The following GPR171 variants were observed in gnomAD, a reference collection of about 807,000 sequenced individuals.
GPR171 encodes the protein G protein-coupled receptor 171.
GPR171 carries 14 observed loss-of-function variants against 16.7 expected under a neutral mutation model. The ratio of observed to expected loss-of-function variants is 0.84; its 90% CI spans 0.55 to 1.31. GPR171 has a LOEUF of 1.31. GPR171 is among the 40% of genes most tolerant of loss of function. The pLI, the probability that GPR171 is intolerant of heterozygous loss-of-function variation, is 0.00. For synonymous variants in GPR171, 134 were observed against 135.6 expected (o/e 0.99, Z 0.08); for missense variants, 337 against 378.9 (o/e 0.89, Z 0.92).
Position 151,199,436 on chromosome 3 carries a change from G to A in GPR171, c.-50C>T. The A allele has an allele frequency of 6.7e-7, 1 of 1,503,030 alleles. No homozygotes were observed. Among genetic ancestry groups the A allele is most frequent in the South Asian group, 1.3e-5 (1 of 76,736 alleles). The allele number at this position is 1,503,030 out of a possible 1,614,324, so 93.1% of individuals were successfully genotyped here. A position where few individuals can be genotyped will look rare whatever the true frequency, so the allele number is the denominator to read the frequency against. On this transcript the variant is annotated 5_prime_UTR_variant, in exon 3 of 3. Coordinates refer to ENST00000309180, the MANE Select transcript of GPR171 (RefSeq NM_013308.4). ...CTTATTGAAAAGAAAAAATTTCTAA[G>A]ACTCTGTAAAAGAAACAAGGAAAGG...
chr3:151,201,876 C>T (rs578095077), intron 1 of GPR171, among the ~76,000 whole-genome samples: 5 of 152,170 alleles, frequency 3.3e-5, no homozygotes, highest in Non-Finnish European at 7.3e-5. Context: ...TCAAATATTA[C>T]ATAATAATGG....
intron 1 of GPR171, among the ~76,000 whole-genome samples, chr3:151,202,428 T>C (rs1725734958): frequency 6.6e-6 from 1 of 152,240 alleles, no homozygotes; most frequent in Non-Finnish European, 1.5e-5. Context: ...CCCAGCACTT[T>C]GGGAGGCTGA....
intron 2 of GPR171, 134 bp from the exon 3 acceptor site, chr3:151,199,573 G>T (rs1273249189): frequency 1.8e-6 from 1 of 568,106 alleles, no homozygotes; most frequent in Non-Finnish European, 3.1e-6. Context: ...AGACCATATG[G>T]CCTGGTGAGA....
chr3:151,199,518 T>G, intron 2 of GPR171, 79 bp from the exon 3 acceptor site: 1 of 727,810 alleles, frequency 1.4e-6, no homozygotes, highest in Non-Finnish European at 2.2e-6. Flanking sequence ...GTCTTCACAA[T>G]ACCGTTGTCT....
At position 151,198,497 on chromosome 3, in the gene GPR171, G is replaced by C; in HGVS notation, c.890C>G (p.Thr297Ser). The part of the protein sequence containing the change: ...HLSKAFRSKV[T>S]ETFASPKETK... ...CTCTTTAGGTGAGGCAAAAGTCTCA[G>C]TGACCTTTGAGCGGAATGCTTTTGA... The change falls in exon 3 of 3, where the codon ACT (threonine) becomes AGT (serine). Residue 297 changes from threonine to serine, a missense_variant. By Grantham distance (58) the Thr-to-Ser change is moderately conservative. Coordinates refer to ENST00000309180, the MANE Select transcript of GPR171 (RefSeq NM_013308.4). The C allele has an allele frequency of 1.9e-6, 3 of 1,613,456 alleles. No individual in the cohort carries two copies. Among genetic ancestry groups the C allele is most frequent in the Non-Finnish European group, 2.5e-6 (3 of 1,179,432 alleles).
Position 151,198,361 on chromosome 3 carries a change from T to G in GPR171, c.*66A>C. 8.3e-7 allele frequency: 1 copy of G among 1,201,302 alleles called. No individual in the cohort carries two copies. The highest frequency in any genetic ancestry group is 1.5e-5 in the African/African-American group (1 of 66,178). The allele number at this position is 1,201,302 out of a possible 1,614,324, so 74.4% of individuals were successfully genotyped here. A position where few individuals can be genotyped will look rare whatever the true frequency, so the allele number is the denominator to read the frequency against. On this transcript the variant is annotated 3_prime_UTR_variant, in exon 3 of 3. Coordinates refer to ENST00000309180, the MANE Select transcript of GPR171 (RefSeq NM_013308.4). ...TTTTTTGTTTTTTTTTTTTTTATCTTTCAAAGCTATAATTAACTTTATGGT... is the reference window on the plus strand; with the variant it reads ...TTTTTTGTTTTTTTTTTTTTTATCTGTCAAAGCTATAATTAACTTTATGGT...
At chr3:151,201,941 C>G (rs1725661745) in intron 1 of GPR171, among the ~76,000 whole-genome samples, 1 of 152,080 alleles carries the variant, frequency 6.6e-6, no homozygotes, top group South Asian at 2.1e-4. Context: ...TAAAATAAGT[C>G]TGTTGTATCA....
Position 151,199,308 on chromosome 3 carries a change from C to T in GPR171, c.79G>A (p.Val27Ile), listed in dbSNP as rs1169118194. 2.5e-5 allele frequency: 40 copies of T among 1,613,532 alleles called. No homozygotes were observed. Among genetic ancestry groups the T allele is most frequent in the Non-Finnish European group, 3.3e-5 (39 of 1,179,744 alleles). The change falls in exon 3 of 3, where the codon GTT becomes ATT. Residue 27 changes from valine (V) to isoleucine (I), a missense_variant. Transcript: ENST00000309180. ...GCAAAACAACTTCCAATAATTCCAA[C>T]AAGGAAAACTAAATAAAAAAAATAC... ...FTYFFYLVFL[V>I]GIIGSCFATW...
rs185341982 is a variant in GPR171 at position 151,198,635 on chromosome 3, G to T, written c.752C>A (p.Thr251Lys). 2 of 1,613,944 alleles carry T rather than the reference G, an allele frequency of 1.2e-6. No individual in the cohort carries two copies. Among genetic ancestry groups the T allele is most frequent in the Non-Finnish European group, 1.7e-6 (2 of 1,179,838 alleles). The change falls in exon 3 of 3, where the codon ACA becomes AAA. Residue 251 changes from threonine (T) to lysine (K), a missense_variant. By Grantham distance (78) the Thr-to-Lys change is moderately conservative. Transcript: ENST00000309180. ...IVRIPYTLSQ[T>K]EVITDCSTRI... is the part of the protein sequence containing the mutation. ...GGTTGAGCAATCAGTTATGACTTCT[G>T]TCTGGCTGAGGGTATACGGGATTCG...
intron 1 of GPR171, among the ~76,000 whole-genome samples, chr3:151,201,325 G>T (rs1050774654): frequency 6.6e-6 from 1 of 151,972 alleles, no homozygotes; most frequent in Non-Finnish European, 1.5e-5. Context: ...CCATAACCTA[G>T]TTTCTCTCTA....
chr3:151,199,485 A>T, intron 2 of GPR171, 46 bp from the exon 3 acceptor site: 1 of 1,049,542 alleles, frequency 9.5e-7, no homozygotes, highest in Non-Finnish European at 1.4e-6. Flanking sequence ...AAAATTAGCA[A>T]CTATTTTCTT....
chr3:151,202,562 C>T (rs970359769), intron 1 of GPR171, among the ~76,000 whole-genome samples: 6 of 151,954 alleles, frequency 3.9e-5, no homozygotes, highest in Admixed American at 2.0e-4. Context: ...CCCAGCTACT[C>T]GGGAGGCTGA....
rs752577372 is a variant in GPR171 at position 151,198,441 on chromosome 3, C to T, written c.946G>A (p.Glu316Lys). 6.3e-7 allele frequency: 1 copy of T among 1,594,000 alleles called. No homozygotes were observed. Among genetic ancestry groups the T allele is most frequent in the South Asian group, 1.1e-5 (1 of 90,058 alleles). The change falls in exon 3 of 3, where the codon GAA becomes AAA. Residue 316 changes from glutamate to lysine, a missense_variant. By Grantham distance (56) the Glu-to-Lys change is moderately conservative (BLOSUM62 1). Transcript: ENST00000309180. ...AATCCTGTCTTTTATGCATTATTTT[C>T]ACATCTTAATTTTTCTTTCTGAGCC... ...TKAQKEKLRC[E>K]NNA
At position 151,198,669 on chromosome 3, in the gene GPR171, G is replaced by A; in HGVS notation, c.718C>T (p.His240Tyr). Residue 240 changes from histidine to tyrosine, a missense_variant, in exon 3 of 3, where the codon CAC becomes TAC. Coordinates refer to ENST00000309180, the MANE Select transcript of GPR171 (RefSeq NM_013308.4). Reference protein sequence around the residue: ...TGYIICFVPYHIVRIPYTLSQ... With the variant: ...TGYIICFVPYYIVRIPYTLSQ... Reference sequence around the variant, plus strand: ...AGGGTATACGGGATTCGGACAATGTGGTAAGGAACAAAGCATATGATGTAG... The same window carrying A: ...AGGGTATACGGGATTCGGACAATGTAGTAAGGAACAAAGCATATGATGTAG... 6.2e-7 allele frequency: 1 copy of A among 1,614,012 alleles called. No homozygotes were observed. Among genetic ancestry groups the A allele is most frequent in the East Asian group, 2.2e-5 (1 of 44,878 alleles).
At position 151,199,002 on chromosome 3, in the gene GPR171, C is replaced by G; in HGVS notation, c.385G>C (p.Gly129Arg). ...SCKIYRIQEPGFAKMISTVVW... is the reference protein window; with the variant it reads ...SCKIYRIQEPRFAKMISTVVW... ...ACGGTTGATATCATTTTGGCAAATC[C>G]GGGTTCTTGTATTCGGTAGATCTTG... The change falls in exon 3 of 3, where the codon GGA becomes CGA. Residue 129 changes from glycine to arginine, a missense_variant. Coordinates refer to ENST00000309180, the MANE Select transcript of GPR171 (RefSeq NM_013308.4). 1.2e-6 allele frequency: 2 copies of G among 1,614,020 alleles called. No individual in the cohort carries two copies. Among genetic ancestry groups the G allele is most frequent in the Non-Finnish European group, 1.7e-6 (2 of 1,180,004 alleles).
chr3:151,202,510 A>C (rs1381264341), intron 1 of GPR171, among the ~76,000 whole-genome samples: 1 of 152,186 alleles, frequency 6.6e-6, no homozygotes, highest in Non-Finnish European at 1.5e-5. Context: ...GTCTCTACTA[A>C]AAATACAAAA....
Position 151,198,885 on chromosome 3 carries a change from A to G in GPR171, c.502T>C (p.Phe168Leu). 6.2e-7 allele frequency: 1 copy of G among 1,614,028 alleles called. No homozygotes were observed. The highest frequency in any genetic ancestry group is 1.1e-5 in the South Asian group (1 of 91,072). ...CAATTTCTTCCAAATTCCTTTTTAAACTCCATACAACCCACATTTGACTTT... is the reference window on the plus strand; with the variant it reads ...CAATTTCTTCCAAATTCCTTTTTAAGCTCCATACAACCCACATTTGACTTT... Reference protein sequence around the residue: ...KEKSNVGCMEFKKEFGRNWHL... With the variant: ...KEKSNVGCMELKKEFGRNWHL... The change falls in exon 3 of 3, where the codon TTT becomes CTT. Residue 168 changes from phenylalanine (F) to leucine (L), a missense_variant. Coordinates refer to ENST00000309180, the MANE Select transcript of GPR171 (RefSeq NM_013308.4).
In GPR171 at chr3:151,199,007, T is replaced by C. The variant is rs1305451262; in HGVS notation, c.380A>G (p.Glu127Gly). 1 of 1,614,026 alleles carries C rather than the reference T, an allele frequency of 6.2e-7. No homozygotes were observed. The highest frequency in any genetic ancestry group is 2.2e-5 in the East Asian group (1 of 44,888). The change falls in exon 3 of 3, where the codon GAA becomes GGA. Residue 127 changes from glutamate to glycine, a missense_variant. Physicochemically the swap from Glu to Gly is moderately conservative, Grantham distance 98 (BLOSUM62 -2). Transcript: ENST00000309180. Reference protein sequence around the residue: ...THSCKIYRIQEPGFAKMISTV... With the variant: ...THSCKIYRIQGPGFAKMISTV... ...TGATATCATTTTGGCAAATCCGGGT[T>C]CTTGTATTCGGTAGATCTTGCAGCT...
Position 151,198,833 on chromosome 3 carries a change from A to G in GPR171, c.554T>C (p.Val185Ala), listed in dbSNP as rs1430512866. 3.7e-6 allele frequency: 6 copies of G among 1,613,030 alleles called. No individual in the cohort carries two copies. In the South Asian group the frequency reaches 5.5e-5, roughly 15 times the overall value. Residue 185 changes from valine (V) to alanine (A), a missense_variant, in exon 3 of 3, where the codon GTA (valine) becomes GCA (alanine). Val to Ala is a moderately conservative substitution (Grantham distance 64). Coordinates refer to ENST00000309180, the MANE Select transcript of GPR171 (RefSeq NM_013308.4). ...GGCTGAGAAATTTAAAAATATTGCT[A>G]CACATATGAAATTTGTCAGCAAATG... is the stretch of plus-strand genomic sequence containing the variant. ...NWHLLTNFIC[V>A]AIFLNFSAII...
Sources: allele counts gnomAD v4.1 joint callset (sites outside exome capture counted in the v4.1 genomes callset), GRCh38; gene constraint gnomAD v4.1.1; transcripts MANE v1.5; gene names NCBI Gene and HGNC (gene_info 2026-07-23, HGNC 2026-07-21).